Variants in STAT4 observed in about 807,000 individuals in gnomAD.
The protein encoded by STAT4 is signal transducer and activator of transcription 4.
In STAT4, 42 loss-of-function variants were observed where a neutral mutation model predicts 110.5. The observed-to-expected ratio is 0.38, with a 90% CI of 0.30 to 0.49. The LOEUF (loss-of-function observed/expected upper bound fraction) is 0.49. STAT4 is among the 20% of genes least tolerant of loss of function. The probability of loss-of-function intolerance (pLI) is 0.95; values close to 1 mark genes in which losing one functional copy is unlikely to be tolerated. For missense variants in STAT4, 632 were observed against 887.9 expected (o/e 0.71, Z 3.66); for synonymous variants, 284 against 302.2 (o/e 0.94, Z 0.63).
At chr2:191,044,806 A>G (rs1696303138) in intron 14 of STAT4, among the ~76,000 whole-genome samples, 2 of 152,230 alleles carry the variant, frequency 1.3e-5, no homozygotes, top group Admixed American at 1.3e-4. Context: ...CCAAATTGTA[A>G]GGAGTTTTCT....
rs1377528337 is a variant in STAT4, at chr2:191,141,586, CAT to C, written c.273+5025_273+5026del. 8.1e-5 allele frequency among the ~76,000 whole-genome samples: 9 copies of C among 111,114 alleles called. No homozygotes were observed. The East Asian group carries it at 1.2e-3, about 15-fold the overall frequency. 72.9% of individuals were successfully genotyped at this position (111,114 alleles called of 152,430 possible). A position where few individuals can be genotyped will look rare whatever the true frequency, so the allele number is the denominator to read the frequency against. The stretch of plus-strand genomic sequence containing the variant: ...ACCATATATGATATATATACATATA[CAT>C]ATATATGTGTATATATACACACACA... On this transcript the variant is annotated intron_variant, in intron 3 of 23. Transcript: ENST00000392320.
chr2:191,041,085 C>T lies in STAT4; in HGVS notation c.1315G>A (p.Gly439Ser). ...ITFETQICLY[G>S]LTIDLETSSL... ...CCTACCTCCAAATCTATGGTCAGGC[C>T]ATAGAGGCAGATCTGTGTTTCAAAC... Residue 439 changes from glycine (G) to serine (S), a missense_variant, in exon 15 of 24, where the codon GGC becomes AGC. Physicochemically the swap from Gly to Ser is moderately conservative, Grantham distance 56. This residue lies in a region of STAT4 where 488 missense variants were observed against 632.8 expected (regional missense o/e 0.77). Transcript: ENST00000392320. 1 of 1,491,016 alleles carries T rather than the reference C, an allele frequency of 6.7e-7. No individual in the cohort carries two copies. The highest frequency in any genetic ancestry group is 9.0e-7 in the Non-Finnish European group (1 of 1,115,760). 92.4% of individuals were successfully genotyped at this position (1,491,016 alleles called of 1,614,324 possible).
chr2:191,039,727 A>T lies in STAT4; in HGVS notation c.1336-430T>A, dbSNP rs1270296375. Among the ~76,000 whole-genome samples the T allele has an allele frequency of 6.6e-6, 1 of 152,230 alleles. No homozygotes were observed. The highest frequency in any genetic ancestry group is 1.5e-5 in the Non-Finnish European group (1 of 68,040). ...TCAAATTATGACCTAACACCTAATTAACATAAACACTGGAAGTGGGAGGTT... is the reference window on the plus strand; with the variant it reads ...TCAAATTATGACCTAACACCTAATTTACATAAACACTGGAAGTGGGAGGTT... On this transcript the variant is annotated intron_variant, in intron 15 of 23. Transcript: ENST00000392320. This position sits in a 1 kb window ranked among gnomAD's most constrained non-coding sequence, Gnocchi z 4.7.
intron 6 of STAT4, chr2:191,068,695 T>C (rs1264007460): frequency 2.0e-5 from 3 of 152,120 alleles, no homozygotes; most frequent in African/African-American, 7.2e-5. Flanking sequence ...TTCTCATATA[T>C]CCTTCACCTA....
Position 191,030,052 on chromosome 2 carries a change from C to A in STAT4, c.2221-186G>T, listed in dbSNP as rs780990843. 1.3e-5 allele frequency among the ~76,000 whole-genome samples: 2 copies of A among 152,040 alleles called. No individual in the cohort carries two copies. Among genetic ancestry groups the A allele is most frequent in the Non-Finnish European group, 2.9e-5 (2 of 68,020 alleles). ...GTTGATCAGTCTAAAATAAAAGGTA[C>A]CTTTCAAGGAGACAGAAAAGTGTTT... On this transcript the variant is annotated intron_variant, in intron 23 of 23. Coordinates refer to ENST00000392320, the MANE Select transcript of STAT4 (RefSeq NM_003151.4). This position sits in a 1 kb window ranked among gnomAD's most constrained non-coding sequence, Gnocchi z 4.4.
intron 3 of STAT4, among the ~76,000 whole-genome samples, chr2:191,118,427 G>A (rs1196814348): frequency 4.6e-5 from 7 of 152,144 alleles, no homozygotes; most frequent in African/African-American, 1.4e-4. Flanking sequence ...AAAAATTGGT[G>A]AGATCTTCAT....
rs985325651 is a variant in STAT4, at chr2:191,116,991, A to G, written c.273+29622T>C. 6.6e-6 allele frequency among the ~76,000 whole-genome samples: 1 copy of G among 152,162 alleles called. No individual in the cohort carries two copies. Among genetic ancestry groups the G allele is most frequent in the Admixed American group, 6.5e-5 (1 of 15,268 alleles). ...GAGATCTCCATGTGATTCTTTTTGC[A>G]TTACTTTGAGCAGAGTCTCAATCTT... On this transcript the variant is annotated intron_variant, in intron 3 of 23. Coordinates refer to ENST00000392320, the MANE Select transcript of STAT4 (RefSeq NM_003151.4). The surrounding 1 kb of genome is among the most constrained non-coding windows in gnomAD (Gnocchi z 4.1).
intron 14 of STAT4, among the ~76,000 whole-genome samples, chr2:191,044,927 G>C (rs1036490485): frequency 7.2e-5 from 11 of 152,002 alleles, no homozygotes; most frequent in African/African-American, 2.7e-4. Flanking sequence ...ATACAAGAAT[G>C]GAAATACAAT....
chr2:191,131,889 C>T (rs1217237142), intron 3 of STAT4: 2 of 1,442,598 alleles, frequency 1.4e-6, no homozygotes, highest in Non-Finnish European at 1.8e-6. Context: ...GTGCTGTAGC[C>T]AACCCTGGGG....
In STAT4 at chr2:191,033,271, G is replaced by A; in HGVS notation, c.1853-122C>T. On this transcript the variant is annotated intron_variant, in intron 20 of 23. Coordinates refer to ENST00000392320, the MANE Select transcript of STAT4 (RefSeq NM_003151.4). The surrounding 1 kb of genome is among the most constrained non-coding windows in gnomAD (Gnocchi z 6.9). ...ACTTGTCAGTTCATGTCACTTCAATGTCAGACCTTCTGCTGTCTGGACAGT... is the reference window on the plus strand; with the variant it reads ...ACTTGTCAGTTCATGTCACTTCAATATCAGACCTTCTGCTGTCTGGACAGT... 1 of 1,186,832 alleles carries A rather than the reference G, an allele frequency of 8.4e-7. No homozygotes were observed. Among genetic ancestry groups the A allele is most frequent in the Non-Finnish European group, 1.2e-6 (1 of 851,142 alleles). 73.5% of individuals were successfully genotyped at this position (1,186,832 alleles called of 1,614,324 possible).
In STAT4 at chr2:191,054,517, C is replaced by T. The variant is rs1696619640; in HGVS notation, c.1224G>A (p.Lys408=). 1 of 1,612,484 alleles carries T rather than the reference C, an allele frequency of 6.2e-7. No homozygotes were observed. Residue 408 remains lysine (K), a synonymous_variant, in exon 14 of 24, where the codon AAG becomes AAA. Coordinates refer to ENST00000392320, the MANE Select transcript of STAT4 (RefSeq NM_003151.4). ...CATTTCCTTTACCTCCAGCACTGGA[C>T]TTCATTTCCTTTGGTTGCTTTGTAA... The part of the protein sequence containing the change: ...EFRHLQPKEM[K]SSAGGKGNEG...
At chr2:191,079,987 T>C (rs1274995709) in intron 3 of STAT4, among the ~76,000 whole-genome samples, 2 of 152,154 alleles carry the variant, frequency 1.3e-5, no homozygotes, top group African/African-American at 4.8e-5. Context: ...GCATCCTTGC[T>C]GATTTTTCTT....
chr2:191,089,094 A>C (rs780463502), intron 3 of STAT4, among the ~76,000 whole-genome samples: 1 of 152,230 alleles, frequency 6.6e-6, no homozygotes, highest in Non-Finnish European at 1.5e-5. Flanking sequence ...TTAGTGGAAA[A>C]ATTTCTGCTC....
chr2:191,074,487 T>G (rs1466856824), intron 4 of STAT4, among the ~76,000 whole-genome samples: 1 of 152,198 alleles, frequency 6.6e-6, no homozygotes, highest in Non-Finnish European at 1.5e-5. Flanking sequence ...GTATGTGGTA[T>G]TAGCAAATTA....
In STAT4 at chr2:191,144,660, T is replaced by C. The variant is rs1699417001; in HGVS notation, c.273+1953A>G. Among the ~76,000 whole-genome samples, 1 of 149,836 alleles carries C rather than the reference T, an allele frequency of 6.7e-6. No individual in the cohort carries two copies. Among genetic ancestry groups the C allele is most frequent in the South Asian group, 2.2e-4 (1 of 4,650 alleles). ...TGATGGTTTAACAAGGTTCGTCTGA[T>C]ACAACTGGCCAGAGGAGAAGCTTCC... On this transcript the variant is annotated intron_variant, in intron 3 of 23. Coordinates refer to ENST00000392320, the MANE Select transcript of STAT4 (RefSeq NM_003151.4). The surrounding 1 kb of genome is among the most constrained non-coding windows in gnomAD (Gnocchi z 4.7).
In STAT4 at chr2:191,033,248, T is replaced by A; in HGVS notation, c.1853-99A>T. On this transcript the variant is annotated intron_variant, in intron 20 of 23. Coordinates refer to ENST00000392320, the MANE Select transcript of STAT4 (RefSeq NM_003151.4). This position sits in a 1 kb window ranked among gnomAD's most constrained non-coding sequence, Gnocchi z 6.9. ...ATTATCTTCATGCCACTGGAGTGAC[T>A]TGTCAGTTCATGTCACTTCAATGTC... 1.5e-6 allele frequency: 2 copies of A among 1,292,044 alleles called. No individual in the cohort carries two copies. Among genetic ancestry groups the A allele is most frequent in the Non-Finnish European group, 2.1e-6 (2 of 935,884 alleles). The allele number at this position is 1,292,044 out of a possible 1,614,324, so 80.0% of individuals were successfully genotyped here. A position where few individuals can be genotyped will look rare whatever the true frequency, so the allele number is the denominator to read the frequency against.
In STAT4 at chr2:191,039,346, C is replaced by T. The variant is rs1215054186; in HGVS notation, c.1336-49G>A. The T allele has an allele frequency of 6.5e-7, 1 of 1,537,758 alleles. No homozygotes were observed. The highest frequency in any genetic ancestry group is 1.1e-5 in the South Asian group (1 of 89,484). ...AGTTATTACAGGTAGTCCCACCTTA[C>T]ATTGATCTTATGCTTGACCCTCGCC... On this transcript the variant is annotated intron_variant, in intron 15 of 23. Transcript: ENST00000392320. This position sits in a 1 kb window ranked among gnomAD's most constrained non-coding sequence, Gnocchi z 4.7.
rs1011812685 is a variant in STAT4, at chr2:191,051,695, G to C, written c.1251+2795C>G. 6.6e-6 allele frequency among the ~76,000 whole-genome samples: 1 copy of C among 152,164 alleles called. No individual in the cohort carries two copies. Among genetic ancestry groups the C allele is most frequent in the East Asian group, 1.9e-4 (1 of 5,198 alleles). On this transcript the variant is annotated intron_variant, in intron 14 of 23. Coordinates refer to ENST00000392320, the MANE Select transcript of STAT4 (RefSeq NM_003151.4). The surrounding 1 kb of genome is among the most constrained non-coding windows in gnomAD (Gnocchi z 5.6). The stretch of plus-strand genomic sequence containing the variant: ...TGTGAGATAGATGGGGTGAGGTGAC[G>C]GGGCAGTAGGAGTGCCAACCAGCTC...
At position 191,146,537 on chromosome 2, in the gene STAT4, G is replaced by T; in HGVS notation, c.273+76C>A. The T allele has an allele frequency of 1.6e-6, 2 of 1,235,876 alleles. No individual in the cohort carries two copies. The highest frequency in any genetic ancestry group is 2.7e-5 in the South Asian group (1 of 36,522). 76.6% of individuals were successfully genotyped at this position (1,235,876 alleles called of 1,614,324 possible). A position where few individuals can be genotyped will look rare whatever the true frequency, so the allele number is the denominator to read the frequency against. Reference sequence around the variant, plus strand: ...TAAATTTCATTTGAAAATAATATAAGGGTACATATTTAATTTTTAACTAAA... The same window carrying T: ...TAAATTTCATTTGAAAATAATATAATGGTACATATTTAATTTTTAACTAAA... On this transcript the variant is annotated intron_variant, in intron 3 of 23. Coordinates refer to ENST00000392320, the MANE Select transcript of STAT4 (RefSeq NM_003151.4). The surrounding 1 kb of genome is among the most constrained non-coding windows in gnomAD (Gnocchi z 4.5).
Sources: gnomAD v4.1 joint callset for allele counts (sites outside exome capture counted in the v4.1 genomes callset) on GRCh38, gnomAD v4.1.1 for gene constraint, gnomAD v4.1.1 regional missense constraint, Gnocchi (gnomAD v3.1) non-coding constraint, MANE v1.5 for transcripts, NCBI Gene and HGNC (gene_info 2026-07-23, HGNC 2026-07-21) for gene names.